GDAP1L1: variants seen among roughly 807,000 people sequenced by gnomAD.
GDAP1L1 encodes the protein ganglioside-induced differentiation-associated protein 1-like 1.
In GDAP1L1, 21 loss-of-function variants were observed where a neutral mutation model predicts 37.1. The ratio of observed to expected loss-of-function variants is 0.57; its 90% CI spans 0.40 to 0.81. GDAP1L1 has a LOEUF of 0.81. Among genes scored for constraint, GDAP1L1 ranks in the 40% least tolerant of loss-of-function variants. GDAP1L1 has a pLI of 0.00. For missense variants in GDAP1L1, 362 were observed against 491.6 expected (o/e 0.74, Z 2.49); for synonymous variants, 193 against 209.1 (o/e 0.92, Z 0.67).
At position 44,279,521 on chromosome 20, in the gene GDAP1L1, G is replaced by A. The variant is rs2062619731; in HGVS notation, c.*221G>A. The stretch of plus-strand genomic sequence containing the variant: ...GGCTCTACTAAAAGAGAGAGAGGAA[G>A]CGAGAGAGAGAGAGAAAAAACAAAA... On this transcript the variant is annotated 3_prime_UTR_variant, in exon 6 of 6. Transcript: ENST00000342560. The A allele has an allele frequency of 4.3e-6, 3 of 699,326 alleles. No homozygotes were observed. In the South Asian group the frequency reaches 4.5e-5, roughly 10 times the overall value. 43.3% of individuals were successfully genotyped at this position (699,326 alleles called of 1,614,324 possible).
chr20:44,264,608 C>T, intron 5 of GDAP1L1, 49 bp downstream of exon 5: 2 of 1,589,802 alleles, frequency 1.3e-6, no homozygotes, highest in Non-Finnish European at 1.7e-6. Context: ...ACCCAGCCTA[C>T]TCTTCCCCTG....
At position 44,252,799 on chromosome 20, in the gene GDAP1L1, G is replaced by A. The variant is rs189296737; in HGVS notation, c.181-4354G>A. Among the ~76,000 whole-genome samples, 380 of 148,862 alleles carry A rather than the reference G, an allele frequency of 2.6e-3. 1 individual carries two copies. The highest frequency in any genetic ancestry group is 4.8e-3 in the Admixed American group (71 of 14,882). On this transcript the variant is annotated intron_variant, in intron 1 of 5. Transcript: ENST00000342560. ...GATTGCACCATTGAACTCCAGCCTG[G>A]ACAACTGAGTGAGACCCTGTCTCAA...
chr20:44,256,667 A>G (rs944475708), intron 1 of GDAP1L1, among the ~76,000 whole-genome samples: 3 of 151,694 alleles, frequency 2.0e-5, no homozygotes, highest in African/African-American at 7.3e-5. Context: ...CTTAAAAAAA[A>G]GGGGAAAAAA....
At chr20:44,266,272 C>G (rs969953493) in intron 5 of GDAP1L1, among the ~76,000 whole-genome samples, 1 of 152,040 alleles carries the variant, frequency 6.6e-6, no homozygotes, top group African/African-American at 2.4e-5. Context: ...TGCGCCACTG[C>G]ACTCCAGCCT....
intron 1 of GDAP1L1, among the ~76,000 whole-genome samples, chr20:44,252,382 G>A (rs900442019): frequency 2.6e-5 from 4 of 152,250 alleles, no homozygotes; most frequent in Non-Finnish European, 5.9e-5. Context: ...GCTCGCGCCT[G>A]TAATCCCAGC....
At position 44,272,505 on chromosome 20, in the gene GDAP1L1, G is replaced by A. The variant is rs552203397; in HGVS notation, c.761-6452G>A. 3.0e-4 allele frequency among the ~76,000 whole-genome samples: 45 copies of A among 152,300 alleles called. No individual in the cohort carries two copies. In the East Asian group the frequency reaches 4.6e-3, roughly 16 times the overall value. Reference sequence around the variant, plus strand: ...AATATAATAGGACCCTGGGCAGCACGGAGTGCCCTCCTGGGCTTTGCGGTC... The same window carrying A: ...AATATAATAGGACCCTGGGCAGCACAGAGTGCCCTCCTGGGCTTTGCGGTC... On this transcript the variant is annotated intron_variant, in intron 5 of 5. Transcript: ENST00000342560.
Position 44,247,523 on chromosome 20 carries a change from G to A in GDAP1L1, c.180+9G>A, listed in dbSNP as rs2145976782. 3 of 1,488,828 alleles carry A rather than the reference G, an allele frequency of 2.0e-6. No individual in the cohort carries two copies. Among genetic ancestry groups the A allele is most frequent in the Non-Finnish European group, 2.7e-6 (3 of 1,116,688 alleles). 92.2% of individuals were successfully genotyped at this position (1,488,828 alleles called of 1,614,324 possible). A position where few individuals can be genotyped will look rare whatever the true frequency, so the allele number is the denominator to read the frequency against. On this transcript the variant is annotated intron_variant, in intron 1 of 5. Coordinates refer to ENST00000342560, the MANE Select transcript of GDAP1L1 (RefSeq NM_024034.6). ...CCTTCAGCTCGCAGAAGGTAGAGCC[G>A]GGCCGGGAGCCGCCTGCGCCGGTGG...
At chr20:44,250,744 C>A (rs1027740565) in intron 1 of GDAP1L1, among the ~76,000 whole-genome samples, 3 of 152,154 alleles carry the variant, frequency 2.0e-5, no homozygotes, top group Admixed American at 2.0e-4. Flanking sequence ...CTCTAAATGC[C>A]TAAGGTCAAT....
chr20:44,268,169 C>T (rs1170839220), intron 5 of GDAP1L1, among the ~76,000 whole-genome samples: 1 of 152,224 alleles, frequency 6.6e-6, no homozygotes, highest in Non-Finnish European at 1.5e-5. Flanking sequence ...AGTTGAGACC[C>T]CTTGCATAGA....
chr20:44,247,450 C>T lies in GDAP1L1; in HGVS notation c.116C>T (p.Pro39Leu), dbSNP rs768083106. Residue 39 changes from proline (P) to leucine (L), a missense_variant, in exon 1 of 6, where the codon CCC becomes CTC. This residue lies in a region of GDAP1L1 where 277 missense variants were observed against 337.1 expected (regional missense o/e 0.82). Coordinates refer to ENST00000342560, the MANE Select transcript of GDAP1L1 (RefSeq NM_024034.6). ...EAPDAPEAAS[P>L]AHWPRESLVL... is the part of the protein sequence containing the mutation. ...CCCGACGCTCCCGAGGCGGCCAGCCCCGCCCATTGGCCCAGGGAGAGCCTG... is the reference window on the plus strand; with the variant it reads ...CCCGACGCTCCCGAGGCGGCCAGCCTCGCCCATTGGCCCAGGGAGAGCCTG... The T allele has an allele frequency of 1.2e-6, 2 of 1,607,286 alleles. No individual in the cohort carries two copies. The highest frequency in any genetic ancestry group is 1.7e-6 in the Non-Finnish European group (2 of 1,177,298).
intron 3 of GDAP1L1, among the ~76,000 whole-genome samples, chr20:44,261,888 A>C (rs1310511245): frequency 1.3e-5 from 2 of 152,210 alleles, no homozygotes; most frequent in African/African-American, 4.8e-5. Context: ...AAGGAGGATA[A>C]GGCTATTTTA....
intron 1 of GDAP1L1, among the ~76,000 whole-genome samples, chr20:44,251,043 G>A (rs1233901885): frequency 6.6e-6 from 1 of 152,132 alleles, no homozygotes; most frequent in African/African-American, 2.4e-5. Flanking sequence ...CCTCACAACT[G>A]CCCCTTTTCA....
At position 44,247,530 on chromosome 20, in the gene GDAP1L1, G is replaced by A. The variant is rs1349195384; in HGVS notation, c.180+16G>A. ...CTCGCAGAAGGTAGAGCCGGGCCGG[G>A]AGCCGCCTGCGCCGGTGGCCAGGAA... is the stretch of plus-strand genomic sequence containing the variant. On this transcript the variant is annotated intron_variant, in intron 1 of 5. Transcript: ENST00000342560. The A allele has an allele frequency of 3.4e-6, 5 of 1,481,238 alleles. No homozygotes were observed. The highest frequency in any genetic ancestry group is 2.9e-5 in the African/African-American group (2 of 70,026). The allele number at this position is 1,481,238 out of a possible 1,614,324, so 91.8% of individuals were successfully genotyped here.
chr20:44,270,192 A>T, intron 5 of GDAP1L1, among the ~76,000 whole-genome samples: 2 of 105,478 alleles, frequency 1.9e-5, no homozygotes, highest in African/African-American at 3.8e-5. Flanking sequence ...TTTTTTTGAG[A>T]CGGAGTCTCG....
rs2062623990 is a variant in GDAP1L1, at chr20:44,279,885, A to C, written c.*585A>C. 3 of 424,904 alleles carry C rather than the reference A, an allele frequency of 7.1e-6. No homozygotes were observed. Among genetic ancestry groups the C allele is most frequent in the South Asian group, 3.5e-5 (2 of 57,836 alleles). 26.3% of individuals were successfully genotyped at this position (424,904 alleles called of 1,614,324 possible). A position where few individuals can be genotyped will look rare whatever the true frequency, so the allele number is the denominator to read the frequency against. On this transcript the variant is annotated 3_prime_UTR_variant, in exon 6 of 6. Transcript: ENST00000342560. ...AGCTTGAGCCAAGGCAGTGGCACCC[A>C]AAAACCAGGCTGCAGTGGGGACGGA... is the stretch of plus-strand genomic sequence containing the variant.
chr20:44,250,447 T>C (rs898581067), intron 1 of GDAP1L1, among the ~76,000 whole-genome samples: 5 of 152,222 alleles, frequency 3.3e-5, no homozygotes, highest in Non-Finnish European at 5.9e-5. Context: ...ACATAGAAAG[T>C]GCTCAGTTAA....
At chr20:44,275,023 G>T (rs542068354) in intron 5 of GDAP1L1, among the ~76,000 whole-genome samples, 1 of 152,198 alleles carries the variant, frequency 6.6e-6, no homozygotes, top group South Asian at 2.1e-4. Flanking sequence ...CTCCCTAGTA[G>T]CTGGGACCAC....
intron 5 of GDAP1L1, among the ~76,000 whole-genome samples, chr20:44,269,376 G>A (rs893203071): frequency 6.6e-6 from 1 of 152,296 alleles, no homozygotes; most frequent in East Asian, 1.9e-4. Context: ...GGAATGGGAG[G>A]AACTCATGGC....
At chr20:44,276,387 A>AGGAAGGAAGGAAGGAAGGAAG (rs1568659401) in intron 5 of GDAP1L1, among the ~76,000 whole-genome samples, 3 of 96,928 alleles carry the variant, frequency 3.1e-5, no homozygotes, top group African/African-American at 1.3e-4. Context: ...AGGAAGGAAA[A>AGGAAGGAAGGAAGGAAGGAAG]GAAAAGAAAG....
Sources: gnomAD v4.1 joint callset for allele counts (sites outside exome capture counted in the v4.1 genomes callset) on GRCh38, gnomAD v4.1.1 for gene constraint, gnomAD v4.1.1 regional missense constraint, MANE v1.5 for transcripts, NCBI Gene and HGNC (gene_info 2026-07-23, HGNC 2026-07-21) for gene names.